The following PIK3C2B variants were observed in gnomAD, a reference collection of about 807,000 sequenced individuals.
PIK3C2B encodes the protein phosphatidylinositol 4-phosphate 3-kinase C2 domain-containing subunit beta.
In PIK3C2B, 83 loss-of-function variants were observed where a neutral mutation model predicts 184.3. The ratio of observed to expected loss-of-function variants is 0.45; its 90% CI spans 0.38 to 0.54. PIK3C2B has a LOEUF of 0.54. Among genes scored for constraint, PIK3C2B ranks in the 20% least tolerant of loss-of-function variants. The probability of loss-of-function intolerance (pLI) is 0.00; values close to 1 mark genes in which losing one functional copy is unlikely to be tolerated. For missense variants in PIK3C2B, 1,736 were observed against 2,113.5 expected (o/e 0.82, Z 3.50); for synonymous variants, 779 against 837.6 (o/e 0.93, Z 1.21).
At chr1:204,477,251 AG>A (rs1480472925) in intron 1 of PIK3C2B, among the ~76,000 whole-genome samples, 1 of 152,222 alleles carries the variant, frequency 6.6e-6, no homozygotes, top group Non-Finnish European at 1.5e-5. Flanking sequence ...CTGACTCAGT[AG>A]GGTGAGTCCC....
chr1:204,458,804 C>T (rs932452544), intron 8 of PIK3C2B, among the ~76,000 whole-genome samples: 6 of 151,796 alleles, frequency 4.0e-5, no homozygotes, highest in African/African-American at 1.5e-4. Context: ...AAGGCTATGA[C>T]GATTCTTACA....
intron 12 of PIK3C2B, among the ~76,000 whole-genome samples, chr1:204,450,756 C>A (rs561738776): frequency 1.8e-4 from 28 of 152,336 alleles, no homozygotes; most frequent in Middle Eastern, 6.8e-3. Flanking sequence ...CTGAATCACA[C>A]CTAGCCACTC....
chr1:204,464,629 C>A, intron 3 of PIK3C2B, 25 bp from the exon 4 acceptor site: 1 of 1,609,132 alleles, frequency 6.2e-7, no homozygotes, highest in Middle Eastern at 1.7e-4. Context: ...AAAAAACCCT[C>A]ACTGTGCCTT....
At chr1:204,478,040 A>G (rs1656849491) in intron 1 of PIK3C2B, among the ~76,000 whole-genome samples, 1 of 152,180 alleles carries the variant, frequency 6.6e-6, no homozygotes, top group Non-Finnish European at 1.5e-5. Flanking sequence ...CAGGGTTTCA[A>G]GCCCCCAGTC....
intron 2 of PIK3C2B, chr1:204,466,657 T>TG: frequency 2.7e-6 from 1 of 371,388 alleles, no homozygotes; most frequent in Non-Finnish European, 5.4e-6. Context: ...AGAGAGACAG[T>TG]GGGGGGAGGG....
chr1:204,439,550 A>C (rs189817626), intron 22 of PIK3C2B, among the ~76,000 whole-genome samples: 1 of 152,210 alleles, frequency 6.6e-6, no homozygotes, highest in African/African-American at 2.4e-5. Context: ...TGCCATTGTC[A>C]CATCCAAAAA....
At chr1:204,428,313 G>A in intron 29 of PIK3C2B, 93 bp from the exon 30 acceptor site, 1 of 745,426 alleles carries the variant, frequency 1.3e-6, no homozygotes, top group Admixed American at 2.4e-5. Flanking sequence ...AAAGACTTAG[G>A]AAATATAACA....
At chr1:204,431,593 C>T (rs1442962663) in intron 28 of PIK3C2B, 76 bp downstream of exon 28, 20 of 1,575,616 alleles carry the variant, frequency 1.3e-5, no homozygotes, top group Non-Finnish European at 1.7e-5. Flanking sequence ...GCCCCTGCAG[C>T]CCTGACCACC....
chr1:204,478,880 A>G (rs574194910), intron 1 of PIK3C2B, among the ~76,000 whole-genome samples: 2 of 152,320 alleles, frequency 1.3e-5, no homozygotes, highest in Admixed American at 1.3e-4. Flanking sequence ...AGCTACATAA[A>G]GTCAGGTCTG....
chr1:204,424,016 G>A lies in PIK3C2B; in HGVS notation c.*836C>T, dbSNP rs1421808641. ...GGGCCAGGAGAATGGAGGGGCAAGGGGTAGAAAATGGTATTCAGGGCAAGT... is the reference window on the plus strand; with the variant it reads ...GGGCCAGGAGAATGGAGGGGCAAGGAGTAGAAAATGGTATTCAGGGCAAGT... On this transcript the variant is annotated 3_prime_UTR_variant, in exon 33 of 33. Coordinates refer to ENST00000684373, the MANE Select transcript of PIK3C2B (RefSeq NM_001377334.1). 1 of 152,746 alleles carries A rather than the reference G, an allele frequency of 6.5e-6. No homozygotes were observed. Among genetic ancestry groups the A allele is most frequent in the African/African-American group, 2.4e-5 (1 of 41,422 alleles). The allele number at this position is 152,746 out of a possible 1,614,324, so 9.5% of individuals were successfully genotyped here. A position where few individuals can be genotyped will look rare whatever the true frequency, so the allele number is the denominator to read the frequency against.
intron 1 of PIK3C2B, among the ~76,000 whole-genome samples, chr1:204,473,999 T>TTC (rs1011051275): frequency 4.0e-5 from 6 of 150,072 alleles, no homozygotes; most frequent in African/African-American, 7.3e-5. Context: ...CTTTTTTTTT[T>TTC]TTTTTTTTTG....
At chr1:204,428,666 G>T (rs1674877230) in intron 29 of PIK3C2B, among the ~76,000 whole-genome samples, 1 of 152,048 alleles carries the variant, frequency 6.6e-6, no homozygotes, top group Non-Finnish European at 1.5e-5. Context: ...GCTAATTTTT[G>T]TATTTTTGGT....
rs150308890 is a variant in PIK3C2B, at chr1:204,425,628, A to G, written c.4701T>C (p.Pro1567=). The change falls in exon 32 of 33, where the codon CCT becomes CCC. Residue 1567 remains proline, a synonymous_variant. Transcript: ENST00000684373. ...CCCCACCCACCATCTCATTGTAGGT[A>G]GGATTGCAGGTTTTCCGGGCCACTT... ...KTKVARKTCN[P]TYNEMLVYDG... 2 of 1,613,930 alleles carry G rather than the reference A, an allele frequency of 1.2e-6. No individual in the cohort carries two copies. Among genetic ancestry groups the G allele is most frequent in the African/African-American group, 2.7e-5 (2 of 74,892 alleles).
At chr1:204,458,494 A>ATTTTTTTTTTTTTTT (rs1158541930) in intron 8 of PIK3C2B, among the ~76,000 whole-genome samples, 1 of 142,118 alleles carries the variant, frequency 7.0e-6, no homozygotes. Context: ...GGCTATGACA[A>ATTTTTTTTTTTTTTT]TTTTTTTTTT....
chr1:204,434,522 G>T lies in PIK3C2B; in HGVS notation c.3603C>A (p.Ile1201=), dbSNP rs898935015. Residue 1201 remains isoleucine, a synonymous_variant, in exon 24 of 33, where the codon ATC becomes ATA. Coordinates refer to ENST00000684373, the MANE Select transcript of PIK3C2B (RefSeq NM_001377334.1). Reference sequence around the variant, plus strand: ...ACATGTGACCAGTGGTCTTCAGCATGATGTTGTCATTATGTCGGTCACAGA... The same window carrying T: ...ACATGTGACCAGTGGTCTTCAGCATTATGTTGTCATTATGTCGGTCACAGA... ...LGICDRHNDN[I]MLKTTGHMFH... 3 of 1,614,114 alleles carry T rather than the reference G, an allele frequency of 1.9e-6. No homozygotes were observed. Among genetic ancestry groups the T allele is most frequent in the Non-Finnish European group, 2.5e-6 (3 of 1,179,934 alleles).
chr1:204,429,561 T>C (rs1277507712), intron 29 of PIK3C2B, among the ~76,000 whole-genome samples: 2 of 152,180 alleles, frequency 1.3e-5, no homozygotes, highest in African/African-American at 4.8e-5. Context: ...GTTAGGGCCA[T>C]TATACTACTA....
At chr1:204,488,788 C>T (rs1487092664) in intron 1 of PIK3C2B, among the ~76,000 whole-genome samples, 1 of 152,136 alleles carries the variant, frequency 6.6e-6, no homozygotes, top group Non-Finnish European at 1.5e-5. Flanking sequence ...CAAAAAGGCC[C>T]CACTGATGAG....
rs769991039 is a variant in PIK3C2B, at chr1:204,447,508, T to C, written c.2417A>G (p.Tyr806Cys). The C allele has an allele frequency of 2.5e-6, 4 of 1,603,190 alleles. No homozygotes were observed. The highest frequency in any genetic ancestry group is 2.2e-5 in the South Asian group (2 of 90,766). The change falls in exon 15 of 33, where the codon TAT (tyrosine) becomes TGT (cysteine). Residue 806 changes from tyrosine (Y) to cysteine (C), a missense_variant. Tyr to Cys is a radical substitution (Grantham distance 194). Transcript: ENST00000684373. The surrounding 1 kb of genome is among the most constrained non-coding windows in gnomAD (Gnocchi z 4.1). ...SPPGDKFSPR[Y>C]EFGSLREEDQ... Reference sequence around the variant, plus strand: ...TTCTTCCCGGAGGCTGCCAAACTCATAGCGGGGGCTGAACTTGTCTCCAGG... The same window carrying C: ...TTCTTCCCGGAGGCTGCCAAACTCACAGCGGGGGCTGAACTTGTCTCCAGG...
rs548750298 is a variant in PIK3C2B at position 204,424,219 on chromosome 1, C to G, written c.*633G>C. 4 of 172,804 alleles carry G rather than the reference C, an allele frequency of 2.3e-5. No individual in the cohort carries two copies. Among genetic ancestry groups the G allele is most frequent in the Non-Finnish European group, 5.0e-5 (4 of 79,732 alleles). 10.7% of individuals were successfully genotyped at this position (172,804 alleles called of 1,614,324 possible). On this transcript the variant is annotated 3_prime_UTR_variant, in exon 33 of 33. Coordinates refer to ENST00000684373, the MANE Select transcript of PIK3C2B (RefSeq NM_001377334.1). ...CAGTGGCACAAGCCTCAGTCCAGCA[C>G]AGGCAGCCCTCCCCAACCCTCCCCA...
Sources: gnomAD v4.1 joint callset for allele counts (sites outside exome capture counted in the v4.1 genomes callset) on GRCh38, gnomAD v4.1.1 for gene constraint, Gnocchi (gnomAD v3.1) non-coding constraint, MANE v1.5 for transcripts, NCBI Gene and HGNC (gene_info 2026-07-23, HGNC 2026-07-21) for gene names.